Variants in TRIM14 observed in about 807,000 individuals in gnomAD.
The protein encoded by TRIM14 is tripartite motif-containing protein 14.
TRIM14 carries 28 observed loss-of-function variants against 44.5 expected under a neutral mutation model. The observed-to-expected ratio is 0.63, with a 90% CI of 0.47 to 0.86. The LOEUF is 0.86. Among genes scored for constraint, TRIM14 ranks in the 40% least tolerant of loss-of-function variants. The pLI is 0.00. For missense variants in TRIM14, 607 were observed against 611.1 expected, an observed-to-expected ratio of 0.99 and a Z score of 0.07; for synonymous variants, 299 against 269.2, an observed-to-expected ratio of 1.11 and a Z score of -1.08.
intron 1 of TRIM14, among the ~76,000 whole-genome samples, chr9:98,115,168 C>T (rs536395452): frequency 3.9e-4 from 59 of 152,170 alleles, no homozygotes; most frequent in Admixed American, 6.5e-4. Context: ...CGGCTCACTG[C>T]AACCTCTGCC....
At chr9:98,063,399 G>A in the TRIM14 span, among the ~76,000 whole-genome samples, 1 of 151,674 alleles carries the variant, frequency 6.6e-6, no homozygotes, top group Non-Finnish European at 1.5e-5. Context: ...CTGCCACCAG[G>A]CCCAGCTAAA....
Position 98,095,326 on chromosome 9 carries a change from C to A in TRIM14, c.538-297G>T, listed in dbSNP as rs1826147556. Among the ~76,000 whole-genome samples the A allele has an allele frequency of 6.6e-6, 1 of 152,256 alleles. No homozygotes were observed. Among genetic ancestry groups the A allele is most frequent in the Non-Finnish European group, 1.5e-5 (1 of 68,040 alleles). On this transcript the variant is annotated intron_variant, in intron 3 of 5. Coordinates refer to ENST00000341469, the MANE Select transcript of TRIM14 (RefSeq NM_014788.4). This position sits in a 1 kb window ranked among gnomAD's most constrained non-coding sequence, Gnocchi z 4.1. ...CGTGTTCATTGAAACCTACTCTGTG[C>A]CAGCTATGCATGCAGAAGGCAGGGT...
the TRIM14 span, among the ~76,000 whole-genome samples, chr9:98,062,824 G>T: frequency 6.7e-6 from 1 of 149,296 alleles, no homozygotes. Context: ...AAAACTGGGG[G>T]AAGAGTATAT....
At position 98,101,722 on chromosome 9, in the gene TRIM14, A is replaced by G. The variant is rs371947081; in HGVS notation, c.304-1558T>C. 9.8e-5 allele frequency among the ~76,000 whole-genome samples: 15 copies of G among 152,302 alleles called. No homozygotes were observed. In the East Asian group the frequency reaches 2.7e-3, roughly 27 times the overall value. On this transcript the variant is annotated intron_variant, in intron 2 of 5. Coordinates refer to ENST00000341469, the MANE Select transcript of TRIM14 (RefSeq NM_014788.4). ...GGCATGAGCCACTGCACCTGGCCTC[A>G]AAGTTTTAAATACATTTATTCTTTC...
chr9:98,044,361 CCTTT>C, the TRIM14 span, among the ~76,000 whole-genome samples: 11 of 146,904 alleles, frequency 7.5e-5, no homozygotes, highest in Middle Eastern at 3.3e-3. Context: ...GGCAAAATGC[CCTTT>C]CTCTTTTTTT....
At chr9:98,047,587 G>A in the TRIM14 span, among the ~76,000 whole-genome samples, 1 of 152,108 alleles carries the variant, frequency 6.6e-6, no homozygotes, top group Admixed American at 6.6e-5. Flanking sequence ...GTTCTTTTCT[G>A]CATTGCATTA....
Position 98,119,034 on chromosome 9 carries a change from G to A in TRIM14, c.155C>T (p.Ala52Val). 1 of 1,573,338 alleles carries A rather than the reference G, an allele frequency of 6.4e-7. No individual in the cohort carries two copies. The highest frequency in any genetic ancestry group is 8.6e-7 in the Non-Finnish European group (1 of 1,169,182). The change falls in exon 1 of 6, where the codon GCG becomes GTG. Residue 52 changes from alanine to valine, a missense_variant. Ala to Val is a moderately conservative substitution (Grantham distance 64). This residue lies in a region of TRIM14 where 246 missense variants were observed against 270.8 expected (regional missense o/e 0.91). Coordinates refer to ENST00000341469, the MANE Select transcript of TRIM14 (RefSeq NM_014788.4). ...CVCALCPVLG[A>V]HRGHPVGLAL... Reference sequence around the variant, plus strand: ...CAGGCCCACAGGGTGGCCACGGTGCGCGCCCAGCACCGGGCAAAGCGCGCA... The same window carrying A: ...CAGGCCCACAGGGTGGCCACGGTGCACGCCCAGCACCGGGCAAAGCGCGCA...
In TRIM14 at chr9:98,087,917, C is replaced by T. The variant is rs1334494193; in HGVS notation, c.882G>A (p.Leu294=). The T allele has an allele frequency of 2.6e-6, 4 of 1,565,248 alleles. No individual in the cohort carries two copies. The highest frequency in any genetic ancestry group is 1.1e-5 in the South Asian group (1 of 87,164). ...ADRLTVRCGL[L]GSLGPVPVLR... is the part of the protein sequence containing the mutation. ...GCACGGGCACGGGCCCCAGGCTGCC[C>T]AGCAGGCCGCAGCGCACCGTCAGGC... The change falls in exon 6 of 6, where the codon CTG becomes CTA. Residue 294 remains leucine, a synonymous_variant. Coordinates refer to ENST00000341469, the MANE Select transcript of TRIM14 (RefSeq NM_014788.4).
intron 1 of TRIM14, among the ~76,000 whole-genome samples, chr9:98,117,236 T>A (rs1265499838): frequency 1.3e-5 from 2 of 152,114 alleles, no homozygotes; most frequent in African/African-American, 4.8e-5. Context: ...GACTCCCCAG[T>A]GGAATAGGTT....
chr9:98,072,661 G>A (rs1014794147), intron 6 of TRIM14, among the ~76,000 whole-genome samples: 1 of 152,026 alleles, frequency 6.6e-6, no homozygotes, highest in African/African-American at 2.4e-5. Flanking sequence ...CACCCACCTC[G>A]GCCTCCCAAA....
chr9:98,042,276 G>T, the TRIM14 span, among the ~76,000 whole-genome samples: 1 of 142,690 alleles, frequency 7.0e-6, no homozygotes, highest in South Asian at 2.3e-4. Flanking sequence ...CCAGGCGAAC[G>T]TGCCAGACTC....
In TRIM14 at chr9:98,087,533, C is replaced by T. The variant is rs765354504; in HGVS notation, c.1266G>A (p.Gln422=). Residue 422 remains glutamine, a synonymous_variant, in exon 6 of 6, where the codon CAG becomes CAA. Transcript: ENST00000341469. ...GCCGCAGGGCCGGGTAGAGCGGCTCCTGGAACGTGGCGCGGAAGGTATGCA... is the reference window on the plus strand; with the variant it reads ...GCCGCAGGGCCGGGTAGAGCGGCTCTTGGAACGTGGCGCGGAAGGTATGCA... The part of the protein sequence containing the change: ...SHLHTFRATF[Q]EPLYPALRLW... 1 of 1,597,634 alleles carries T rather than the reference C, an allele frequency of 6.3e-7. No individual in the cohort carries two copies. The highest frequency in any genetic ancestry group is 8.5e-7 in the Non-Finnish European group (1 of 1,173,472).
the TRIM14 span, chr9:98,061,080 A>G: frequency 2.3e-6 from 3 of 1,298,282 alleles, no homozygotes; most frequent in Non-Finnish European, 3.3e-6. Flanking sequence ...GCTTAGGGCC[A>G]CCTCCAGCCC....
chr9:98,096,624 A>C (rs78346679), intron 3 of TRIM14, among the ~76,000 whole-genome samples: 8,615 of 152,120 alleles, frequency 0.057, 386 homozygotes, highest in Admixed American at 0.12. Context: ...TTCATCTCTC[A>C]GGCCAGAAAC....
chr9:98,083,916 G>A (rs1398273211), downstream of TRIM14, among the ~76,000 whole-genome samples: 1 of 152,206 alleles, frequency 6.6e-6, no homozygotes, highest in African/African-American at 2.4e-5. Flanking sequence ...TTGTTTACAC[G>A]TAAGTGAGAA....
chr9:98,042,293 G>GAAAA, the TRIM14 span, among the ~76,000 whole-genome samples: 9 of 125,982 alleles, frequency 7.1e-5, no homozygotes, highest in East Asian at 2.6e-4. Context: ...ACTCTGTCTG[G>GAAAA]AAAAAAAAAA....
chr9:98,056,698 G>T, the TRIM14 span: 1 of 1,441,436 alleles, frequency 6.9e-7, no homozygotes, highest in South Asian at 1.3e-5. Flanking sequence ...GGCTGACGTG[G>T]CGGGGCTGGC....
the TRIM14 span, among the ~76,000 whole-genome samples, chr9:98,055,993 G>A: frequency 6.6e-6 from 1 of 152,048 alleles, no homozygotes; most frequent in Non-Finnish European, 1.5e-5. Context: ...GCCTGCCTTG[G>A]CCTCCCAAAG....
intron 1 of TRIM14, among the ~76,000 whole-genome samples, chr9:98,114,854 A>G (rs1434628771): frequency 3.3e-5 from 5 of 152,202 alleles, no homozygotes; most frequent in African/African-American, 1.2e-4. Context: ...CAGAGCAAGA[A>G]TTATTTACAT....
Sources: gnomAD v4.1 joint callset for allele counts (sites outside exome capture counted in the v4.1 genomes callset) on GRCh38, gnomAD v4.1.1 for gene constraint, gnomAD v4.1.1 regional missense constraint, Gnocchi (gnomAD v3.1) non-coding constraint, MANE v1.5 for transcripts, NCBI Gene and HGNC (gene_info 2026-07-23, HGNC 2026-07-21) for gene names.